PDE3A: variants seen among roughly 807,000 people sequenced by gnomAD.
The protein encoded by PDE3A is phosphodiesterase 3A.
Under a neutral mutation model 98.3 loss-of-function variants are expected in PDE3A, and 43 were observed. The ratio of observed to expected loss-of-function variants is 0.44; its 90% CI spans 0.34 to 0.56. The LOEUF is 0.56. PDE3A is among the 20% of genes least tolerant of loss of function. PDE3A has a pLI of 0.01. For synonymous variants in PDE3A, 663 were observed against 567.9 expected, an observed-to-expected ratio of 1.17 and a Z score of -2.38; for missense variants, 1,427 against 1,440.7, an observed-to-expected ratio of 0.99 and a Z score of 0.15.
intron 1 of PDE3A, among the ~76,000 whole-genome samples, chr12:20,541,723 T>G (rs1769635771): frequency 6.6e-6 from 1 of 152,046 alleles, no homozygotes; most frequent in Non-Finnish European, 1.5e-5. Context: ...GCAATAAAAC[T>G]TTTTTCTGCA....
At chr12:20,453,688 C>T (rs570512387) in intron 1 of PDE3A, among the ~76,000 whole-genome samples, 4 of 152,078 alleles carry the variant, frequency 2.6e-5, no homozygotes, top group Admixed American at 6.6e-5. Context: ...GGATCATGTT[C>T]GGGAAATCAT....
chr12:20,385,126 G>A (rs557456246), intron 1 of PDE3A, among the ~76,000 whole-genome samples: 1 of 152,030 alleles, frequency 6.6e-6, no homozygotes, highest in Non-Finnish European at 1.5e-5. Flanking sequence ...CACAATGGTT[G>A]AGCCAATTTA....
At chr12:20,658,785 G>T (rs1024316712) in intron 15 of PDE3A, among the ~76,000 whole-genome samples, 5 of 151,434 alleles carry the variant, frequency 3.3e-5, no homozygotes, top group Admixed American at 3.3e-4. Flanking sequence ...ATTTTATTTT[G>T]TAAGACTGCA....
chr12:20,679,980 G>C (rs1327515383), intron 15 of PDE3A, 50 bp from the exon 16 acceptor site: 1 of 1,407,070 alleles, frequency 7.1e-7, no homozygotes, highest in African/African-American at 1.5e-5. Flanking sequence ...CATGTGCTCA[G>C]CACACAACTA....
chr12:20,404,816 A>G (rs1017170842), intron 1 of PDE3A, among the ~76,000 whole-genome samples: 2 of 134,002 alleles, frequency 1.5e-5, no homozygotes, highest in African/African-American at 2.7e-5. Context: ...ACACATGTGT[A>G]GGTTACAGAG....
chr12:20,375,206 C>A lies in PDE3A; in HGVS notation c.960+4962C>A, dbSNP rs184842886. ...TCTGAAGACCCTCAGAAAGTCCAGTCTCCTATTCTTGCACCTAAAGATGTG... is the reference window on the plus strand; with the variant it reads ...TCTGAAGACCCTCAGAAAGTCCAGTATCCTATTCTTGCACCTAAAGATGTG... On this transcript the variant is annotated intron_variant, in intron 1 of 15. Transcript: ENST00000359062. Among the ~76,000 whole-genome samples, 13 of 152,108 alleles carry A rather than the reference C, an allele frequency of 8.5e-5. No individual in the cohort carries two copies. The East Asian group carries it at 1.5e-3, about 18-fold the overall frequency.
intron 2 of PDE3A, among the ~76,000 whole-genome samples, chr12:20,598,461 G>A (rs997998136): frequency 7.2e-5 from 11 of 152,092 alleles, no homozygotes; most frequent in African/African-American, 1.9e-4. Context: ...TTACAGGCGT[G>A]AGCTACCACA....
intron 1 of PDE3A, among the ~76,000 whole-genome samples, chr12:20,408,754 A>C (rs981027778): frequency 2.0e-5 from 3 of 152,136 alleles, no homozygotes; most frequent in Non-Finnish European, 4.4e-5. Flanking sequence ...GCCGTTCTCT[A>C]TCTTATGCTT....
intron 2 of PDE3A, among the ~76,000 whole-genome samples, chr12:20,564,850 T>G (rs1288785748): frequency 6.6e-6 from 1 of 152,130 alleles, no homozygotes; most frequent in African/African-American, 2.4e-5. Flanking sequence ...GTGGACATCA[T>G]TTCCATGACA....
chr12:20,580,939 A>G (rs1218310969), intron 2 of PDE3A, among the ~76,000 whole-genome samples: 1 of 152,226 alleles, frequency 6.6e-6, no homozygotes, highest in African/African-American at 2.4e-5. Flanking sequence ...TGAAATATGA[A>G]TAGTAAATGG....
At chr12:20,664,781 C>T (rs946546019) in intron 15 of PDE3A, among the ~76,000 whole-genome samples, 3 of 152,156 alleles carry the variant, frequency 2.0e-5, no homozygotes, top group African/African-American at 7.2e-5. Flanking sequence ...TCCATTAAAC[C>T]TCTTTTTTCT....
Position 20,539,702 on chromosome 12 carries a change from G to A in PDE3A, c.961-16958G>A, listed in dbSNP as rs186790385. On this transcript the variant is annotated intron_variant, in intron 1 of 15. Coordinates refer to ENST00000359062, the MANE Select transcript of PDE3A (RefSeq NM_000921.5). ...GTCCTGAGGAAGTGTTACTTGAAGT[G>A]ACACCCGAAGAATGAAAATGAGCTG... Among the ~76,000 whole-genome samples, 427 of 152,170 alleles carry A rather than the reference G, an allele frequency of 2.8e-3. 5 individuals carry two copies. Among genetic ancestry groups the A allele is most frequent in the Middle Eastern group, 0.01 (3 of 294 alleles).
chr12:20,579,398 C>CT (rs71039956), intron 2 of PDE3A, among the ~76,000 whole-genome samples: 40 of 151,082 alleles, frequency 2.6e-4, no homozygotes, highest in Admixed American at 5.9e-4. Flanking sequence ...TTTCTGTTCC[C>CT]TTTTTTTTTT....
chr12:20,639,751 T>C (rs1565459147), intron 9 of PDE3A, 95 bp from the exon 10 acceptor site: 1 of 617,360 alleles, frequency 1.6e-6, no homozygotes, highest in East Asian at 2.7e-5. Flanking sequence ...CATTTAATGT[T>C]TTCCGTTACC....
rs113291423 is a variant in PDE3A, at chr12:20,610,304, C to T, written c.1012-3139C>T. On this transcript the variant is annotated intron_variant, in intron 2 of 15. Coordinates refer to ENST00000359062, the MANE Select transcript of PDE3A (RefSeq NM_000921.5). ...CATATATGTATGGAAAAGTGTTTAA[C>T]ATCACTAAGCATCAGGAAATGGAAA... Among the ~76,000 whole-genome samples the T allele has an allele frequency of 1.5e-3, 234 of 152,026 alleles. 3 individuals are homozygous for T. The highest frequency in any genetic ancestry group is 4.7e-3 in the African/African-American group (196 of 41,528).
At chr12:20,638,056 A>C (rs1360235375) in intron 9 of PDE3A, among the ~76,000 whole-genome samples, 1 of 152,176 alleles carries the variant, frequency 6.6e-6, no homozygotes, top group Non-Finnish European at 1.5e-5. Flanking sequence ...AAACTTGTGA[A>C]TATAAGACTT....
In PDE3A at chr12:20,608,151, G is replaced by A. The variant is rs189295948; in HGVS notation, c.1012-5292G>A. On this transcript the variant is annotated intron_variant, in intron 2 of 15. Transcript: ENST00000359062. ...CTGCTATTTATTGAAACAGCAGCCA[G>A]TCCATCTTTCTGTTTTTCACCATTT... 3.3e-4 allele frequency among the ~76,000 whole-genome samples: 50 copies of A among 152,244 alleles called. 1 individual carries two copies. Among genetic ancestry groups the A allele is most frequent in the Admixed American group, 2.0e-3 (30 of 15,284 alleles).
intron 1 of PDE3A, among the ~76,000 whole-genome samples, chr12:20,429,327 T>C (rs1034722172): frequency 4.6e-5 from 7 of 152,240 alleles, no homozygotes; most frequent in Non-Finnish European, 1.0e-4. Flanking sequence ...TTCCTTCTTT[T>C]TTTCTTCAGT....
rs1464643468 is a variant in PDE3A at position 20,369,108 on chromosome 12, A to G, written c.-177A>G. ...GAGCATCTAGCATTCTCCAGGAGTT[A>G]TTCGAAAGCTGAAACTTTCAGTGGA... On this transcript the variant is annotated 5_prime_UTR_variant, in exon 1 of 16. Transcript: ENST00000359062. The G allele has an allele frequency of 1.8e-6, 1 of 553,640 alleles. No individual in the cohort carries two copies. 34.3% of individuals were successfully genotyped at this position (553,640 alleles called of 1,614,324 possible). A position where few individuals can be genotyped will look rare whatever the true frequency, so the allele number is the denominator to read the frequency against.
Sources: allele counts gnomAD v4.1 joint callset (sites outside exome capture counted in the v4.1 genomes callset), GRCh38; gene constraint gnomAD v4.1.1; transcripts MANE v1.5; gene names NCBI Gene and HGNC (gene_info 2026-07-23, HGNC 2026-07-21).